EYS: variants seen among roughly 807,000 people sequenced by gnomAD.
EYS encodes the protein EGF-like photoreceptor maintenance factor, also known as protein eyes shut homolog.
EYS carries 250 observed loss-of-function variants against 282.1 expected under a neutral mutation model. The observed-to-expected ratio is 0.89, with a 90% CI of 0.80 to 0.98. The LOEUF is 0.98. EYS is among the 50% of genes least tolerant of loss of function. The pLI, the probability that EYS is intolerant of heterozygous loss-of-function variation, is 0.00. For missense variants in EYS, 4,016 were observed against 3,709.0 expected, an observed-to-expected ratio of 1.08 and a Z score of -2.15; for synonymous variants, 1,355 against 1,282.9, an observed-to-expected ratio of 1.06 and a Z score of -1.20.
At chr6:63,883,475 C>A (rs1411256505) in intron 35 of EYS, among the ~76,000 whole-genome samples, 30 of 152,232 alleles carry the variant, frequency 2.0e-4, no homozygotes, top group Non-Finnish European at 1.8e-4. Context: ...AACTCTCAAC[C>A]AACGTGGCTG....
intron 2 of EYS, among the ~76,000 whole-genome samples, chr6:65,619,200 C>T (rs1038931303): frequency 2.6e-5 from 4 of 151,546 alleles, no homozygotes; most frequent in African/African-American, 4.9e-5. Flanking sequence ...GAATGTTCTT[C>T]CATTTGTTTG....
intron 26 of EYS, among the ~76,000 whole-genome samples, chr6:64,497,271 T>G (rs972116266): frequency 7.9e-5 from 12 of 152,124 alleles, no homozygotes; most frequent in Non-Finnish European, 1.3e-4. Context: ...CCTTGCATAG[T>G]CAAGAAGGGC....
At chr6:65,608,698 T>C (rs1765888678) in intron 2 of EYS, among the ~76,000 whole-genome samples, 1 of 152,094 alleles carries the variant, frequency 6.6e-6, no homozygotes. Context: ...ATCCCTATTA[T>C]AGAAGCTTTT....
chr6:64,602,652 T>C (rs962263779), intron 24 of EYS, among the ~76,000 whole-genome samples: 13 of 152,068 alleles, frequency 8.5e-5, no homozygotes, highest in Non-Finnish European at 1.8e-4. Flanking sequence ...TCAAAAGAAT[T>C]GGTAAATTAT....
At chr6:64,085,323 CGT>C (rs1348867197) in intron 31 of EYS, among the ~76,000 whole-genome samples, 1,527 of 126,048 alleles carry the variant, frequency 0.012, 31 homozygotes, top group African/African-American at 0.055. Flanking sequence ...GACGCGCGCG[CGT>C]GCGCACGTGC....
rs557268206 is a variant in EYS at position 64,398,271 on chromosome 6, A to G, written c.5928-9431T>C. On this transcript the variant is annotated intron_variant, in intron 28 of 42. Coordinates refer to ENST00000503581, the MANE Select transcript of EYS (RefSeq NM_001142800.2). ...TAGGAGACAGAAGGAGAGGGATTAA[A>G]TAGGTCAATCCTGTAAATGATTCTC... 2.6e-5 allele frequency among the ~76,000 whole-genome samples: 4 copies of G among 152,048 alleles called. No homozygotes were observed. The East Asian group carries it at 5.8e-4, about 22-fold the overall frequency.
chr6:65,698,861 C>T (rs1201257012), intron 1 of EYS, among the ~76,000 whole-genome samples: 1 of 152,054 alleles, frequency 6.6e-6, no homozygotes, highest in East Asian at 1.9e-4. Flanking sequence ...GATTGTTTCA[C>T]CATAAGAAAA....
At chr6:64,289,230 C>G (rs1768612587) in intron 30 of EYS, among the ~76,000 whole-genome samples, 1 of 152,080 alleles carries the variant, frequency 6.6e-6, no homozygotes, top group African/African-American at 2.4e-5. Flanking sequence ...GAGTGCTTTC[C>G]TCTTTCCTCT....
intron 30 of EYS, among the ~76,000 whole-genome samples, chr6:64,291,179 G>C (rs974265709): frequency 2.6e-5 from 4 of 151,746 alleles, no homozygotes; most frequent in Non-Finnish European, 4.4e-5. Context: ...AGATGCCTGA[G>C]GGGACTAGAG....
chr6:65,380,688 T>C (rs1765576600), intron 8 of EYS, among the ~76,000 whole-genome samples: 1 of 152,006 alleles, frequency 6.6e-6, no homozygotes, highest in South Asian at 2.1e-4. Flanking sequence ...ACAGGCAACC[T>C]ACAGAATGGG....
chr6:65,514,809 A>C (rs1336627939), intron 2 of EYS, among the ~76,000 whole-genome samples: 1 of 152,242 alleles, frequency 6.6e-6, no homozygotes, highest in African/African-American at 2.4e-5. Flanking sequence ...TTAAAGACTT[A>C]AACAATAGAC....
In EYS at chr6:63,958,306, T is replaced by A. The variant is rs1457103772; in HGVS notation, c.7055+26077A>T. Among the ~76,000 whole-genome samples, 2 of 139,768 alleles carry A rather than the reference T, an allele frequency of 1.4e-5. 1 individual carries two copies. The highest frequency in any genetic ancestry group is 4.9e-5 in the African/African-American group (2 of 40,782). The allele number at this position is 139,768 out of a possible 152,430, so 91.7% of individuals were successfully genotyped here. A position where few individuals can be genotyped will look rare whatever the true frequency, so the allele number is the denominator to read the frequency against. ...TCTACAAGTGACAAAAGAGAAAAAA[T>A]AATATAAATACAGATTATGAAATAA... is the stretch of plus-strand genomic sequence containing the variant. On this transcript the variant is annotated intron_variant, in intron 35 of 42. Coordinates refer to ENST00000503581, the MANE Select transcript of EYS (RefSeq NM_001142800.2).
At chr6:64,692,976 G>GTTTTTTTTTTT (rs1583048324) in intron 22 of EYS, among the ~76,000 whole-genome samples, 3 of 3,056 alleles carry the variant, frequency 9.8e-4, no homozygotes, top group Admixed American at 3.8e-3. Flanking sequence ...GGCTGCTTGG[G>GTTTTTTTTTTT]CTTTTTTTTT....
intron 35 of EYS, among the ~76,000 whole-genome samples, chr6:63,952,390 C>T (rs1463933201): frequency 1.3e-5 from 2 of 152,228 alleles, no homozygotes; most frequent in Non-Finnish European, 2.9e-5. Context: ...GCCTCCTGGA[C>T]CATCACAGAT....
intron 31 of EYS, among the ~76,000 whole-genome samples, chr6:64,135,050 T>G (rs1774114453): frequency 6.6e-6 from 1 of 152,116 alleles, no homozygotes; most frequent in African/African-American, 2.4e-5. Context: ...GAACCGAACC[T>G]GTGGTATCTC....
chr6:64,278,861 T>C (rs1196054055), intron 30 of EYS, among the ~76,000 whole-genome samples: 1 of 152,032 alleles, frequency 6.6e-6, no homozygotes, highest in Non-Finnish European at 1.5e-5. Flanking sequence ...ACTCCTGGGC[T>C]CCAGCAAATC....
At position 64,310,888 on chromosome 6, in the gene EYS, A is replaced by C. The variant is rs181597392; in HGVS notation, c.6079-3806T>G. On this transcript the variant is annotated intron_variant, in intron 29 of 42. Transcript: ENST00000503581. ...CCACGTTGAATTTATCATTTATATA[A>C]AAGTATAATTTAAAAGCTCAAAGTT... 3.9e-5 allele frequency among the ~76,000 whole-genome samples: 6 copies of C among 152,280 alleles called. No individual in the cohort carries two copies. In the East Asian group the frequency reaches 1.2e-3, roughly 29 times the overall value.
chr6:64,924,885 C>T (rs1768464794), intron 15 of EYS, among the ~76,000 whole-genome samples: 1 of 152,292 alleles, frequency 6.6e-6, no homozygotes, highest in East Asian at 1.9e-4. Flanking sequence ...CTAGGAAGTT[C>T]AAAACGTTCC....
intron 1 of EYS, among the ~76,000 whole-genome samples, chr6:65,683,187 T>C (rs1434478354): frequency 1.3e-5 from 2 of 152,044 alleles, no homozygotes; most frequent in East Asian, 1.9e-4. Flanking sequence ...AATTGCCAAA[T>C]TGTTTCTCAA....
Sources: gnomAD v4.1 joint callset for allele counts (sites outside exome capture counted in the v4.1 genomes callset) on GRCh38, gnomAD v4.1.1 for gene constraint, MANE v1.5 for transcripts, NCBI Gene and HGNC (gene_info 2026-07-23, HGNC 2026-07-21) for gene names.